BCL9: variants seen among roughly 807,000 people sequenced by gnomAD.
BCL9 encodes the protein BCL9 transcription coactivator, also known as B-cell CLL/lymphoma 9 protein.
In BCL9, 25 loss-of-function variants were observed where a neutral mutation model predicts 88.5. The observed-to-expected ratio is 0.28, with a 90% CI of 0.21 to 0.39. BCL9 has a LOEUF of 0.39. Ranked by LOEUF, BCL9 falls within the 10% of genes least tolerant of loss-of-function variation. The pLI is 1.00. For missense variants in BCL9, 1,817 were observed against 1,877.8 expected, an observed-to-expected ratio of 0.97 and a Z score of 0.60; for synonymous variants, 711 against 673.3, an observed-to-expected ratio of 1.06 and a Z score of -0.87.
chr1:147,548,979 C>CTTTTTTTTTTTTTT (rs72473603), intron 1 of BCL9, among the ~76,000 whole-genome samples: 5 of 111,310 alleles, frequency 4.5e-5, no homozygotes, highest in East Asian at 2.7e-4. Flanking sequence ...TTCTTTCTTT[C>CTTTTTTTTTTTTTT]TTTTTTTTTT....
intron 1 of BCL9, among the ~76,000 whole-genome samples, chr1:147,566,713 G>T (rs1655615338): frequency 6.6e-6 from 1 of 151,486 alleles, no homozygotes; most frequent in African/African-American, 2.4e-5. Flanking sequence ...CCGAAATCGC[G>T]CCACTGCACT....
At chr1:147,549,304 T>C (rs1341042923) in intron 1 of BCL9, among the ~76,000 whole-genome samples, 1 of 152,128 alleles carries the variant, frequency 6.6e-6, no homozygotes, top group Non-Finnish European at 1.5e-5. Context: ...CCCAGCTTTT[T>C]CCCCCTAAAG....
At chr1:147,605,389 C>G (rs1197929478) in intron 2 of BCL9, among the ~76,000 whole-genome samples, 1 of 152,102 alleles carries the variant, frequency 6.6e-6, no homozygotes, top group Non-Finnish European at 1.5e-5. Flanking sequence ...CCATGGAGGA[C>G]ATACAGAGGA....
At chr1:147,614,406 C>T (rs202244151) in intron 5 of BCL9, 21 bp from the exon 6 acceptor site, 205 of 1,608,936 alleles carry the variant, frequency 1.3e-4, no homozygotes, top group Admixed American at 8.4e-5. Context: ...CTTTCTGTGA[C>T]GAGTCATTTT....
At chr1:147,601,746 T>C (rs2101591265) in intron 1 of BCL9, among the ~76,000 whole-genome samples, 1 of 152,358 alleles carries the variant, frequency 6.6e-6, no homozygotes, top group South Asian at 2.1e-4. Context: ...TTATTCACTA[T>C]TGAAAAACAC....
At chr1:147,564,797 A>T (rs911637129) in intron 1 of BCL9, among the ~76,000 whole-genome samples, 1 of 152,216 alleles carries the variant, frequency 6.6e-6, no homozygotes, top group African/African-American at 2.4e-5. Context: ...CTGTTGAAAC[A>T]GTTCTCAAAC....
At chr1:147,618,694 C>A in intron 7 of BCL9, 122 bp from the exon 8 acceptor site, 1 of 1,013,524 alleles carries the variant, frequency 9.9e-7, no homozygotes, top group Non-Finnish European at 1.3e-6. Context: ...TGAGCAATTT[C>A]TACAGCCAGT....
intron 1 of BCL9, among the ~76,000 whole-genome samples, chr1:147,599,660 A>AG (rs1380153945): frequency 3.3e-5 from 5 of 151,992 alleles, no homozygotes; most frequent in African/African-American, 9.7e-5. Context: ...TGCCGCTTTA[A>AG]GGGGGGAGTG....
chr1:147,619,936 A>T lies in BCL9; in HGVS notation c.1781A>T (p.Asp594Val). 1 of 1,614,190 alleles carries T rather than the reference A, an allele frequency of 6.2e-7. No individual in the cohort carries two copies. Among genetic ancestry groups the T allele is most frequent in the Non-Finnish European group, 8.5e-7 (1 of 1,180,032 alleles). Residue 594 changes from aspartate (D) to valine (V), a missense_variant, in exon 8 of 10, where the codon GAT becomes GTT. By Grantham distance (152) the Asp-to-Val change is radical. Transcript: ENST00000234739. This position sits in a 1 kb window ranked among gnomAD's most constrained non-coding sequence, Gnocchi z 4.1. ...RPGLSGVSWP[D>V]DVPKIPDGRN... ...GGTCTTTCTGGAGTCAGTTGGCCAG[A>T]TGATGTGCCAAAAATCCCAGATGGT...
intron 3 of BCL9, among the ~76,000 whole-genome samples, chr1:147,609,912 GTAT>G (rs1247647793): frequency 6.6e-6 from 1 of 152,220 alleles, no homozygotes; most frequent in Non-Finnish European, 1.5e-5. Flanking sequence ...TATACACCTA[GTAT>G]TATTCAGTAC....
chr1:147,595,275 GGT>G (rs1656997812), intron 1 of BCL9, among the ~76,000 whole-genome samples: 1 of 152,238 alleles, frequency 6.6e-6, no homozygotes, highest in African/African-American at 2.4e-5. Flanking sequence ...TGGCCAGAAT[GGT>G]GGATGGTCAA....
chr1:147,586,628 A>C (rs1553199253), intron 1 of BCL9, among the ~76,000 whole-genome samples: 1 of 152,128 alleles, frequency 6.6e-6, no homozygotes, highest in Non-Finnish European at 1.5e-5. Flanking sequence ...CGCCCTTAAT[A>C]GGCCTCCATG....
In BCL9 at chr1:147,618,914, A is replaced by C. The variant is rs782423324; in HGVS notation, c.759A>C (p.Arg253Ser). 1 of 1,613,782 alleles carries C rather than the reference A, an allele frequency of 6.2e-7. No homozygotes were observed. Residue 253 changes from arginine (R) to serine (S), a missense_variant, in exon 8 of 10, where the codon AGA (arginine) becomes AGC (serine). By Grantham distance (110) the Arg-to-Ser change is moderately radical (BLOSUM62 -1). Around this residue, in one of 2 missense-constraint regions of BCL9, gnomAD observed 1,228 missense variants for 1,191.6 expected, o/e 1.03. Coordinates refer to ENST00000234739, the MANE Select transcript of BCL9 (RefSeq NM_004326.4). ...NQDQNSSQNTRLQPTPPIPAP... is the reference protein window; with the variant it reads ...NQDQNSSQNTSLQPTPPIPAP... Reference sequence around the variant, plus strand: ...ACCAGAATTCTTCCCAGAATACCAGACTGCAGCCAACTCCACCCATTCCGG... The same window carrying C: ...ACCAGAATTCTTCCCAGAATACCAGCCTGCAGCCAACTCCACCCATTCCGG...
chr1:147,546,125 A>T (rs1654576429), intron 1 of BCL9, among the ~76,000 whole-genome samples: 1 of 152,126 alleles, frequency 6.6e-6, no homozygotes, highest in Admixed American at 6.5e-5. Flanking sequence ...TCACGAGGTC[A>T]GGAGATCGAG....
At chr1:147,596,968 A>C (rs1391943733) in intron 1 of BCL9, among the ~76,000 whole-genome samples, 7 of 152,182 alleles carry the variant, frequency 4.6e-5, no homozygotes, top group African/African-American at 1.4e-4. Flanking sequence ...AGTGGGCTCA[A>C]CCTTTGTTAG....
rs782009197 is a variant in BCL9, at chr1:147,625,186, T to C, written c.*227T>C. 81 of 532,798 alleles carry C rather than the reference T, an allele frequency of 1.5e-4. No individual in the cohort carries two copies. Among genetic ancestry groups the C allele is most frequent in the Non-Finnish European group, 2.4e-4 (76 of 320,788 alleles). The allele number at this position is 532,798 out of a possible 1,614,324, so 33.0% of individuals were successfully genotyped here. ...TTTTTTAAGATTTATTTTTTAAAAA[T>C]TATTTTTGTGGACTTGGGTATCAAT... On this transcript the variant is annotated 3_prime_UTR_variant, in exon 10 of 10. Transcript: ENST00000234739.
intron 1 of BCL9, among the ~76,000 whole-genome samples, chr1:147,566,414 T>C (rs1487664532): frequency 1.3e-5 from 2 of 152,048 alleles, no homozygotes; most frequent in Admixed American, 6.5e-5. Flanking sequence ...GAAAATAATA[T>C]TCAAAATTAC....
At chr1:147,561,542 G>A (rs587746613) in intron 1 of BCL9, among the ~76,000 whole-genome samples, 2 of 152,284 alleles carry the variant, frequency 1.3e-5, no homozygotes, top group Non-Finnish European at 2.9e-5. Flanking sequence ...ATTGCGTGAT[G>A]CAGCCCAAAC....
In BCL9 at chr1:147,551,801, T is replaced by G. The variant is rs587629172; in HGVS notation, c.-478+10127T>G. On this transcript the variant is annotated intron_variant, in intron 1 of 9. Coordinates refer to ENST00000234739, the MANE Select transcript of BCL9 (RefSeq NM_004326.4). The stretch of plus-strand genomic sequence containing the variant: ...ACTTTCCAGACTCTAGCAAATAAAT[T>G]TCTTTTCTTTATAAATGACGCAGTC... Among the ~76,000 whole-genome samples, 25 of 152,334 alleles carry G rather than the reference T, an allele frequency of 1.6e-4. No individual in the cohort carries two copies. In the East Asian group the frequency reaches 4.8e-3, roughly 29 times the overall value.
Sources: allele counts gnomAD v4.1 joint callset (sites outside exome capture counted in the v4.1 genomes callset), GRCh38; gene constraint gnomAD v4.1.1; regional missense constraint gnomAD v4.1.1; non-coding constraint Gnocchi (gnomAD v3.1); transcripts MANE v1.5; gene names NCBI Gene and HGNC (gene_info 2026-07-23, HGNC 2026-07-21).